LY75: variants seen among roughly 807,000 people sequenced by gnomAD.
LY75 encodes C-type lectin domain family 13 member B.
In LY75, 185 loss-of-function variants were observed where a neutral mutation model predicts 231.7. The observed-to-expected ratio is 0.80, with a 90% confidence interval of 0.71 to 0.90. The LOEUF (loss-of-function observed/expected upper bound fraction) is 0.90. Among genes scored for constraint, LY75 ranks in the 40% least tolerant of loss-of-function variants. The pLI, the probability that LY75 is intolerant of heterozygous loss-of-function variation, is 0.00. For missense variants in LY75, 1,947 were observed against 2,050.2 expected (o/e 0.95, Z 0.97); for synonymous variants, 668 against 689.0 (o/e 0.97, Z 0.48).
At chr2:159,829,532 T>G (rs1683583250) in intron 28 of LY75, among the ~76,000 whole-genome samples, 1 of 152,038 alleles carries the variant, frequency 6.6e-6, no homozygotes, top group Non-Finnish European at 1.5e-5. Context: ...AATTAAATAT[T>G]CTATATCAAC....
At chr2:159,890,623 A>G (rs143810812) in intron 3 of LY75, among the ~76,000 whole-genome samples, 22 of 152,244 alleles carry the variant, frequency 1.4e-4, no homozygotes, top group Non-Finnish European at 2.6e-4. Flanking sequence ...CCTATCAATT[A>G]CAATGCTGTG....
chr2:159,862,152 C>T (rs1001376748), intron 14 of LY75, among the ~76,000 whole-genome samples: 1 of 152,016 alleles, frequency 6.6e-6, no homozygotes, highest in Non-Finnish European at 1.5e-5. Flanking sequence ...ATTAGTTGGG[C>T]GTGGTGGCAC....
chr2:159,889,921 G>A (rs144687461), intron 4 of LY75, among the ~76,000 whole-genome samples: 25 of 151,978 alleles, frequency 1.6e-4, no homozygotes, highest in Admixed American at 4.6e-4. Flanking sequence ...TTAATTATTC[G>A]CTTTTTGAAA....
At chr2:159,901,321 A>G (rs1418139427) in intron 1 of LY75, among the ~76,000 whole-genome samples, 1 of 152,216 alleles carries the variant, frequency 6.6e-6, no homozygotes, top group African/African-American at 2.4e-5. Context: ...TTTCCAAAGT[A>G]TTCTCTCTTG....
At position 159,834,118 on chromosome 2, in the gene LY75, T is replaced by C; in HGVS notation, c.3767A>G (p.Tyr1256Cys). 6.2e-7 allele frequency: 1 copy of C among 1,614,090 alleles called. No individual in the cohort carries two copies. The highest frequency in any genetic ancestry group is 8.5e-7 in the Non-Finnish European group (1 of 1,179,978). The change falls in exon 27 of 35, where the codon TAC becomes TGC. Residue 1256 changes from tyrosine to cysteine, a missense_variant. Coordinates refer to ENST00000263636, the MANE Select transcript of LY75 (RefSeq NM_002349.4). ...TPWIPFQNCCYNFIITKNRHM... is the reference protein window; with the variant it reads ...TPWIPFQNCCCNFIITKNRHM... ...CCTATTCTTTGTTATTATGAAATTG[T>C]AGCAACAGTTCTGAAATGGTATCCA...
chr2:159,825,062 GCAAA>G (rs1267685812), intron 28 of LY75, among the ~76,000 whole-genome samples: 1 of 152,074 alleles, frequency 6.6e-6, no homozygotes, highest in Admixed American at 6.5e-5. Context: ...AGAAGCAACA[GCAAA>G]CAAATTCAAA....
intron 25 of LY75, among the ~76,000 whole-genome samples, chr2:159,836,449 C>A (rs1323304167): frequency 6.6e-6 from 1 of 152,118 alleles, no homozygotes; most frequent in Non-Finnish European, 1.5e-5. Flanking sequence ...GTCCTGACCA[C>A]CCATCTAGGT....
Position 159,853,642 on chromosome 2 carries a change from T to G in LY75, c.2651A>C (p.Asp884Ala), listed in dbSNP as rs3815875. The G allele has an allele frequency of 0.014, 22,656 of 1,613,488 alleles. 1,211 individuals carry two copies. In the East Asian group the frequency reaches 0.15, roughly 11 times the overall value. ...WIRISEWPID[D>A]HFTYSRYPWH... ...TGATGTCACCTACTATGTAAAATGA[T>G]CATCTATTGGCCACTCGCTAATTCT... The change falls in exon 19 of 35, where the codon GAT becomes GCT. Residue 884 changes from aspartate to alanine, a missense_variant. Transcript: ENST00000263636.
At position 159,819,709 on chromosome 2, in the gene LY75, T is replaced by C. The variant is rs1211732205; in HGVS notation, c.4153+17A>G. 3 of 1,583,492 alleles carry C rather than the reference T, an allele frequency of 1.9e-6. No homozygotes were observed. The highest frequency in any genetic ancestry group is 2.6e-6 in the Non-Finnish European group (3 of 1,169,910). On this transcript the variant is annotated intron_variant, in intron 29 of 34. Coordinates refer to ENST00000263636, the MANE Select transcript of LY75 (RefSeq NM_002349.4). ...TTCCCTGGAGTGAAAGAAAACTCTA[T>C]ATTTTACTATACTTACCCATTTCAA...
At position 159,815,914 on chromosome 2, in the gene LY75, C is replaced by T. The variant is rs1683108202; in HGVS notation, c.4381-341G>A. Among the ~76,000 whole-genome samples, 3 of 152,092 alleles carry T rather than the reference C, an allele frequency of 2.0e-5. No homozygotes were observed. The South Asian group carries it at 6.2e-4, about 32-fold the overall frequency. ...CATAATTACAAATTTACAATCCCAA[C>T]CTTCATATTGTTCTGAATATTGTTT... On this transcript the variant is annotated intron_variant, in intron 30 of 34. Transcript: ENST00000263636.
In LY75 at chr2:159,879,210, A is replaced by C. The variant is rs1032299888; in HGVS notation, c.1515+49T>G. 4 of 1,581,506 alleles carry C rather than the reference A, an allele frequency of 2.5e-6. 1 individual carries two copies. Among genetic ancestry groups the C allele is most frequent in the Admixed American group, 3.9e-5 (2 of 51,744 alleles). On this transcript the variant is annotated intron_variant, in intron 9 of 34. Coordinates refer to ENST00000263636, the MANE Select transcript of LY75 (RefSeq NM_002349.4). The stretch of plus-strand genomic sequence containing the variant: ...TAAGTCTCAGCTACCATTTCTAACC[A>C]AGAAGTTGTAATACTGCTTGAGAAA...
Position 159,861,726 on chromosome 2 carries a change from A to G in LY75, c.2200-837T>C, listed in dbSNP as rs368551552. Among the ~76,000 whole-genome samples, 6 of 152,340 alleles carry G rather than the reference A, an allele frequency of 3.9e-5. 1 individual carries two copies. The highest frequency in any genetic ancestry group is 3.3e-4 in the Admixed American group (5 of 15,306). On this transcript the variant is annotated intron_variant, in intron 14 of 34. Coordinates refer to ENST00000263636, the MANE Select transcript of LY75 (RefSeq NM_002349.4). ...GTATTCTAGCCTGGGTGACACAGTG[A>G]GACTCTGTCATCCCCACCTAGTCCC...
At chr2:159,893,537 C>G (rs1560104953) in intron 3 of LY75, among the ~76,000 whole-genome samples, 3 of 152,176 alleles carry the variant, frequency 2.0e-5, no homozygotes, top group Admixed American at 1.3e-4. Flanking sequence ...GTGAAACTTA[C>G]GAGGCTTACT....
intron 33 of LY75, 27 bp from the exon 34 acceptor site, chr2:159,807,167 T>C (rs7566887): frequency 0.72 from 1,152,247 of 1,595,486 alleles, 421,360 homozygotes; most frequent in Admixed American, 0.76. Flanking sequence ...AATACAACTA[T>C]GTCTACTGCC....
chr2:159,866,714 C>T (rs975174408), intron 13 of LY75, among the ~76,000 whole-genome samples: 1 of 152,154 alleles, frequency 6.6e-6, no homozygotes, highest in African/African-American at 2.4e-5. Flanking sequence ...AGTTTTCTTC[C>T]TCATATTTAC....
chr2:159,869,748 C>G (rs2125866107), intron 13 of LY75, among the ~76,000 whole-genome samples: 1 of 152,162 alleles, frequency 6.6e-6, no homozygotes, highest in East Asian at 1.9e-4. Context: ...CCAAAAAGGA[C>G]AGATTGCTGG....
intron 13 of LY75, among the ~76,000 whole-genome samples, chr2:159,869,902 T>C (rs1684959499): frequency 6.6e-6 from 1 of 152,206 alleles, no homozygotes; most frequent in African/African-American, 2.4e-5. Context: ...GTTGAGGGAA[T>C]AGCTAACACT....
At chr2:159,836,250 T>C (rs6711770) in intron 25 of LY75, among the ~76,000 whole-genome samples, 59,918 of 152,054 alleles carry the variant, frequency 0.39, 14,803 homozygotes, top group Non-Finnish European at 0.56. Context: ...TGGGATAACA[T>C]GTGTAAAGCC....
chr2:159,879,220 A>G (rs1023088584), intron 9 of LY75, 39 bp downstream of exon 9: 6 of 1,599,812 alleles, frequency 3.8e-6, no homozygotes, highest in Non-Finnish European at 4.3e-6. Flanking sequence ...AAGAAGTTGT[A>G]ATACTGCTTG....
Sources: gnomAD v4.1 joint callset for allele counts (sites outside exome capture counted in the v4.1 genomes callset) on GRCh38, gnomAD v4.1.1 for gene constraint, MANE v1.5 for transcripts, NCBI Gene and HGNC (gene_info 2026-07-23, HGNC 2026-07-21) for gene names.